The following ABCA2 variants were observed in gnomAD, a reference collection of about 807,000 sequenced individuals.
ABCA2 encodes the protein ATP binding cassette subfamily A member 2.
ABCA2 carries 84 observed loss-of-function variants against 262.8 expected under a neutral mutation model. The observed-to-expected ratio is 0.32, with a 90% confidence interval of 0.27 to 0.38. The LOEUF (loss-of-function observed/expected upper bound fraction) is 0.38, where lower values mean the gene tolerates loss of function less well. Among genes scored for constraint, ABCA2 ranks in the 10% least tolerant of loss-of-function variants. The pLI, the probability that ABCA2 is intolerant of heterozygous loss-of-function variation, is 1.00. For synonymous variants in ABCA2, 1,696 were observed against 1,502.9 expected (o/e 1.13, Z -2.97); for missense variants, 2,662 against 3,405.9 (o/e 0.78, Z 5.44).
At position 137,012,183 on chromosome 9, in the gene ABCA2, G is replaced by A. The variant is rs371349374; in HGVS notation, c.5300-21C>T. 6.8e-6 allele frequency: 11 copies of A among 1,611,248 alleles called. No individual in the cohort carries two copies. The African/African-American group carries it at 1.2e-4, about 18-fold the overall frequency. On this transcript the variant is annotated intron_variant, in intron 33 of 48. Transcript: ENST00000341511. ...GATGCCTGCACACGGCGGGGCGGGG[G>A]CGGCAGCTTCAGGCCCCAGCTCCTC...
Position 137,013,054 on chromosome 9 carries a change from C to T in ABCA2, c.4815G>A (p.Pro1605=), listed in dbSNP as rs748273085. 3.3e-5 allele frequency: 38 copies of T among 1,146,990 alleles called. No individual in the cohort carries two copies. Among genetic ancestry groups the T allele is most frequent in the Non-Finnish European group, 4.5e-5 (38 of 849,288 alleles). 71.1% of individuals were successfully genotyped at this position (1,146,990 alleles called of 1,614,324 possible). Residue 1605 remains proline (P), a synonymous_variant, in exon 30 of 49, where the codon CCG becomes CCA. Coordinates refer to ENST00000341511, the MANE Select transcript of ABCA2 (RefSeq NM_001606.5). The part of the protein sequence containing the change: ...SPAPSDSPAS[P]DEDLQAWNVS... ...CGTTCCAGGCCTGCAGGTCCTCATC[C>T]GGGGACGCTGGCGAGTCAGATGGGG...
intron 41 of ABCA2, 31 bp downstream of exon 41, chr9:137,010,162 C>T (rs781451084): frequency 8.2e-6 from 13 of 1,591,930 alleles, no homozygotes; most frequent in Middle Eastern, 1.7e-4. Flanking sequence ...GAGGACGCGG[C>T]GGCCCCGCCC....
chr9:137,010,727 C>G lies in ABCA2; in HGVS notation c.6067G>C (p.Val2023Leu). The G allele has an allele frequency of 6.2e-7, 1 of 1,612,524 alleles. No individual in the cohort carries two copies. Among genetic ancestry groups the G allele is most frequent in the Non-Finnish European group, 8.5e-7 (1 of 1,179,826 alleles). The change falls in exon 40 of 49, where the codon GTG becomes CTG. Residue 2023 changes from valine (V) to leucine (L), a missense_variant. By Grantham distance (32) the Val-to-Leu change is conservative. Around this residue, in one of 12 missense-constraint regions of ABCA2, gnomAD observed 602 missense variants for 897.4 expected, o/e 0.67. Coordinates refer to ENST00000341511, the MANE Select transcript of ABCA2 (RefSeq NM_001606.5). ...TCATCCTCCACAGGCTTGGTAGACA[C>G]AGGCATGCGCCTTGGGGGACAGGGT... ...NFLRRPQRMP[V>L]STKPVEDDVD...
At position 137,008,833 on chromosome 9, in the gene ABCA2, C is replaced by T. The variant is rs1830925718; in HGVS notation, c.6966G>A (p.Lys2322=). The change falls in exon 47 of 49, where the codon AAG becomes AAA. Residue 2322 remains lysine (K), a synonymous_variant. Coordinates refer to ENST00000341511, the MANE Select transcript of ABCA2 (RefSeq NM_001606.5). Reference sequence around the variant, plus strand: ...CCTGGGCCAGCGAGATGTGCTCCGACTTGAGCTGGTACTGCACCTTTGTGT... The same window carrying T: ...CCTGGGCCAGCGAGATGTGCTCCGATTTGAGCTGGTACTGCACCTTTGTGT... ...RHHTKVQYQL[K]SEHISLAQVF... 6.2e-6 allele frequency: 10 copies of T among 1,605,424 alleles called. No individual in the cohort carries two copies. The highest frequency in any genetic ancestry group is 7.6e-6 in the Non-Finnish European group (9 of 1,179,644).
intron 22 of ABCA2, 23 bp downstream of exon 22, chr9:137,015,939 C>CCAGGGGGGGGGGGGGGGGG: frequency 1.5e-6 from 1 of 682,716 alleles, no homozygotes; most frequent in Non-Finnish European, 2.5e-6. Flanking sequence ...CCACCTGCCC[C>CCAGGGGGGGGGGGGGGGGG]GCCCCCCGCC....
Position 137,011,367 on chromosome 9 carries a change from C to T in ABCA2, c.5799+40G>A, listed in dbSNP as rs2292920. Reference sequence around the variant, plus strand: ...TGGCCGGGGTGAGGGGCACAGCCTCCGCAGGGTCCGCCACCCCCACCATGT... The same window carrying T: ...TGGCCGGGGTGAGGGGCACAGCCTCTGCAGGGTCCGCCACCCCCACCATGT... On this transcript the variant is annotated intron_variant, in intron 37 of 48. Coordinates refer to ENST00000341511, the MANE Select transcript of ABCA2 (RefSeq NM_001606.5). This position sits in a 1 kb window ranked among gnomAD's most constrained non-coding sequence, Gnocchi z 8.8. The T allele has an allele frequency of 0.13, 215,609 of 1,605,536 alleles. 15,200 individuals are homozygous for T. Among genetic ancestry groups the T allele is most frequent in the Middle Eastern group, 0.18 (1,062 of 6,036 alleles).
chr9:137,022,289 A>T (rs1158674656), intron 6 of ABCA2, 62 bp downstream of exon 6: 1 of 1,507,468 alleles, frequency 6.6e-7, no homozygotes, highest in Admixed American at 2.2e-5. Flanking sequence ...ATGGCTCAGC[A>T]ACCAGGGGGC....
intron 26 of ABCA2, 25 bp from the exon 27 acceptor site, chr9:137,014,429 G>GA (rs748295357): frequency 1.9e-6 from 3 of 1,561,804 alleles, no homozygotes; most frequent in Non-Finnish European, 2.6e-6. Flanking sequence ...GGGCCGAGGG[G>GA]ACACTCAGGG....
Position 137,007,337 on chromosome 9 carries a change from G to A in ABCA2, c.*592C>T, listed in dbSNP as rs1017482961. On this transcript the variant is annotated 3_prime_UTR_variant, in exon 49 of 49. Transcript: ENST00000341511. ...GGGCCAAGCTGGGTGGGAGAGCGAT[G>A]GCAGCTGGGGGTTGGGGGGGGTCTG... 1 of 159,398 alleles carries A rather than the reference G, an allele frequency of 6.3e-6. No individual in the cohort carries two copies. The highest frequency in any genetic ancestry group is 1.4e-5 in the Non-Finnish European group (1 of 71,776). The allele number at this position is 159,398 out of a possible 1,614,324, so 9.9% of individuals were successfully genotyped here. A position where few individuals can be genotyped will look rare whatever the true frequency, so the allele number is the denominator to read the frequency against.
chr9:137,010,575 C>T (rs201820294), intron 40 of ABCA2, 45 bp downstream of exon 40: 4 of 1,492,688 alleles, frequency 2.7e-6, no homozygotes. Flanking sequence ...CCCCCTGGCC[C>T]TGGCCTACCC....
Position 137,015,974 on chromosome 9 carries a change from C to G in ABCA2, c.3305G>C (p.Arg1102Thr). 8.3e-7 allele frequency: 1 copy of G among 1,210,744 alleles called. No homozygotes were observed. Among genetic ancestry groups the G allele is most frequent in the Non-Finnish European group, 1.2e-6 (1 of 868,228 alleles). The allele number at this position is 1,210,744 out of a possible 1,614,324, so 75.0% of individuals were successfully genotyped here. Residue 1102 changes from arginine (R) to threonine (T), a missense_variant, in exon 22 of 49, where the codon AGA becomes ACA. By Grantham distance (71) the Arg-to-Thr change is moderately conservative. Transcript: ENST00000341511. ...LKSMAQEEIR[R>T]EMDKMIEDLE... ...CCAGCCCACCCACTTGTCCATCTCT[C>G]TGCGGATCTCCTCCTGAGCCATGCT... is the stretch of plus-strand genomic sequence containing the variant.
In ABCA2 at chr9:137,010,045, C is replaced by A; in HGVS notation, c.6433G>T (p.Ala2145Ser). 1 of 1,601,506 alleles carries A rather than the reference C, an allele frequency of 6.2e-7. No individual in the cohort carries two copies. The highest frequency in any genetic ancestry group is 8.5e-7 in the Non-Finnish European group (1 of 1,176,406). The change falls in exon 42 of 49, where the codon GCC (alanine) becomes TCC (serine). Residue 2145 changes from alanine (A) to serine (S), a missense_variant. This residue lies in a region of ABCA2 where 602 missense variants were observed against 897.4 expected (regional missense o/e 0.67). Transcript: ENST00000341511. ...GTGTACAGCTGCAGGTGCTCCCGGG[C>A]CGTGAGCTCGTCGAACAGCGCGTCA... is the stretch of plus-strand genomic sequence containing the variant. ...QCDALFDELT[A>S]REHLQLYTRL... is the part of the protein sequence containing the mutation.
In ABCA2 at chr9:137,013,958, G is replaced by A; in HGVS notation, c.4321C>T (p.His1441Tyr). The A allele has an allele frequency of 6.2e-7, 1 of 1,612,286 alleles. No individual in the cohort carries two copies. The highest frequency in any genetic ancestry group is 8.5e-7 in the Non-Finnish European group (1 of 1,179,890). ...TGGAAGCGTTTGACCAGCAGCCCGT[G>A]GAACTGGCGCACCTTCAGCCACCCG... ...DGGWLKVRQF[H>Y]GLLVKRFHCA... The change falls in exon 28 of 49, where the codon CAC becomes TAC. Residue 1441 changes from histidine to tyrosine, a missense_variant. This residue lies in a region of ABCA2 where 75 missense variants were observed against 118.3 expected (regional missense o/e 0.63). Transcript: ENST00000341511.
In ABCA2 at chr9:137,010,689, G is replaced by A. The variant is rs112887513; in HGVS notation, c.6105C>T (p.Ala2035=). ...TKPVEDDVDV[A]SERQRVLRGD... is the part of the protein sequence containing the mutation. ...CCCGGAGCACTCGCTGCCGCTCACT[G>A]GCCACGTCCACATCATCCTCCACAG... Residue 2035 remains alanine, a synonymous_variant, in exon 40 of 49, where the codon GCC becomes GCT. Transcript: ENST00000341511. The A allele has an allele frequency of 0.069, 110,853 of 1,611,814 alleles. 4,649 individuals carry two copies. Among genetic ancestry groups the A allele is most frequent in the South Asian group, 0.16 (14,450 of 91,058 alleles).
At chr9:137,024,039 G>T in intron 2 of ABCA2, 104 bp downstream of exon 2, 1 of 1,513,980 alleles carries the variant, frequency 6.6e-7, no homozygotes, top group Non-Finnish European at 8.9e-7. Context: ...CGCACCTCAG[G>T]GACTCCGGGA....
At chr9:137,014,585 C>A in intron 26 of ABCA2, 105 bp downstream of exon 26, 1 of 1,505,452 alleles carries the variant, frequency 6.6e-7, no homozygotes, top group African/African-American at 1.4e-5. Context: ...GGCTTCCACC[C>A]AGGACCAGGG....
In ABCA2 at chr9:137,011,123, A is replaced by G. The variant is rs1311737670; in HGVS notation, c.5924-18T>C. ...AAACTGGCCTGCGGGGAGACAGCTC[A>G]GGGCCTGTGCTCTGGGCCTTGCGGG... On this transcript the variant is annotated intron_variant, in intron 38 of 48. Transcript: ENST00000341511. The surrounding 1 kb of genome is among the most constrained non-coding windows in gnomAD (Gnocchi z 8.8). 1 of 1,611,878 alleles carries G rather than the reference A, an allele frequency of 6.2e-7. No homozygotes were observed. Among genetic ancestry groups the G allele is most frequent in the Admixed American group, 1.7e-5 (1 of 59,984 alleles).
In ABCA2 at chr9:137,010,125, C is replaced by T. The variant is rs1364510995; in HGVS notation, c.6354-1G>A. 6.3e-7 allele frequency: 1 copy of T among 1,592,574 alleles called. No homozygotes were observed. The highest frequency in any genetic ancestry group is 8.5e-7 in the Non-Finnish European group (1 of 1,174,808). On this transcript the variant is annotated splice_acceptor_variant, in intron 41 of 48. Coordinates refer to ENST00000341511, the MANE Select transcript of ABCA2 (RefSeq NM_001606.5). LOFTEE classifies it high-confidence loss of function. Reference sequence around the variant, plus strand: ...CACCTGGAGCAGCTCCTTCAGCACGCTGGGGACACGGCAGCTGTCAGCGCG... The same window carrying T: ...CACCTGGAGCAGCTCCTTCAGCACGTTGGGGACACGGCAGCTGTCAGCGCG...
At position 137,022,878 on chromosome 9, in the gene ABCA2, G is replaced by A. The variant is rs1205304352; in HGVS notation, c.276-13C>T. 1.3e-5 allele frequency: 21 copies of A among 1,558,760 alleles called. No individual in the cohort carries two copies. The East Asian group carries it at 2.1e-4, about 16-fold the overall frequency. On this transcript the variant is annotated splice_polypyrimidine_tract_variant and intron_variant, in intron 4 of 48. Coordinates refer to ENST00000341511, the MANE Select transcript of ABCA2 (RefSeq NM_001606.5). Reference sequence around the variant, plus strand: ...CAGCTGCGTGACCCTGCACCATGGCGGATGTCACTCACTGGATGGGCTGGG... The same window carrying A: ...CAGCTGCGTGACCCTGCACCATGGCAGATGTCACTCACTGGATGGGCTGGG...
Sources: gnomAD v4.1 joint callset for allele counts on GRCh38, gnomAD v4.1.1 for gene constraint, gnomAD v4.1.1 regional missense constraint, Gnocchi (gnomAD v3.1) non-coding constraint, MANE v1.5 for transcripts, NCBI Gene and HGNC (gene_info 2026-07-23, HGNC 2026-07-21) for gene names.